Variants in ACER1 observed in about 807,000 individuals in gnomAD.
The protein encoded by ACER1 is CTB-180A7.3.
In ACER1, 28 loss-of-function variants were observed where a neutral mutation model predicts 24.9. That is an observed-to-expected ratio of 1.13 (90% CI 0.83 to 1.54). ACER1 has a LOEUF of 1.54. Ranked by LOEUF, ACER1 falls within the 40% of genes most tolerant of loss-of-function variation. The pLI, the probability that ACER1 is intolerant of heterozygous loss-of-function variation, is 0.00. For missense variants in ACER1, 352 were observed against 349.3 expected (o/e 1.01, Z -0.06); for synonymous variants, 132 against 131.4 (o/e 1.00, Z -0.03).
At chr19:6,333,643 G>C, upstream of ACER1, 1 of 1,091,292 alleles carries the variant, frequency 9.2e-7, no homozygotes, top group Non-Finnish European at 1.3e-6. Context: ...GGAGAGGACA[G>C]CCCGGTGCCC....
the ACER1 span, among the ~76,000 whole-genome samples, chr19:6,347,115 T>TAA: frequency 8.3e-6 from 1 of 121,000 alleles, no homozygotes; most frequent in Non-Finnish European, 1.6e-5. Flanking sequence ...AAAAAATATA[T>TAA]ATATATATAT....
chr19:6,333,762 A>G, upstream of ACER1: 2 of 511,652 alleles, frequency 3.9e-6, no homozygotes, highest in Non-Finnish European at 7.1e-6. Flanking sequence ...TGGGACTGGC[A>G]CTGTCCAGGC....
intron 1 of ACER1, among the ~76,000 whole-genome samples, chr19:6,325,059 T>C (rs1354331143): frequency 6.6e-6 from 1 of 152,088 alleles, no homozygotes; most frequent in Admixed American, 6.6e-5. Flanking sequence ...CCTCCCACAC[T>C]GCTGACTTCT....
chr19:6,320,285 G>A (rs1338424176), intron 1 of ACER1, among the ~76,000 whole-genome samples: 1 of 151,974 alleles, frequency 6.6e-6, no homozygotes, highest in Non-Finnish European at 1.5e-5. Flanking sequence ...TTGGAGGGAC[G>A]AAGTGTGCAC....
intron 4 of ACER1, among the ~76,000 whole-genome samples, chr19:6,307,911 A>G (rs982796961): frequency 6.6e-6 from 1 of 151,104 alleles, no homozygotes; most frequent in African/African-American, 2.4e-5. Context: ...ACATGGTGAA[A>G]CTCTGACTCT....
At chr19:6,329,875 A>ATT (rs540451359) in intron 1 of ACER1, among the ~76,000 whole-genome samples, 11 of 144,452 alleles carry the variant, frequency 7.6e-5, no homozygotes, top group Middle Eastern at 3.6e-3. Context: ...TTAATTTTTA[A>ATT]TTTTTTTTTT....
At chr19:6,346,984 G>A in the ACER1 span, among the ~76,000 whole-genome samples, 1 of 150,802 alleles carries the variant, frequency 6.6e-6, no homozygotes, top group African/African-American at 2.4e-5. Flanking sequence ...GTTGCAGACA[G>A]GGCATGGTGA....
intron 1 of ACER1, among the ~76,000 whole-genome samples, chr19:6,329,932 G>A (rs1420816788): frequency 2.0e-5 from 3 of 150,238 alleles, no homozygotes; most frequent in Non-Finnish European, 4.4e-5. Context: ...GTGCAGTGGC[G>A]TGATCTCAGC....
the ACER1 span, among the ~76,000 whole-genome samples, chr19:6,355,967 GGT>G: frequency 6.6e-6 from 1 of 151,966 alleles, no homozygotes; most frequent in Non-Finnish European, 1.5e-5. Context: ...CCGTCTGGGA[GGT>G]GTACCCAATA....
chr19:6,332,782 T>A (rs2091694785), intron 1 of ACER1, among the ~76,000 whole-genome samples: 1 of 152,100 alleles, frequency 6.6e-6, no homozygotes, highest in African/African-American at 2.4e-5. Context: ...GCGATTCTCA[T>A]GCCGTAGCCT....
chr19:6,354,617 C>G, the ACER1 span, among the ~76,000 whole-genome samples: 1 of 151,972 alleles, frequency 6.6e-6, no homozygotes, highest in African/African-American at 2.4e-5. Flanking sequence ...CCTTGTGAGC[C>G]CTAATCAAAA....
At chr19:6,309,584 T>C in intron 4 of ACER1, 113 bp downstream of exon 4, 1 of 1,380,072 alleles carries the variant, frequency 7.2e-7, no homozygotes, top group Non-Finnish European at 1.0e-6. Context: ...CTGGCCCTGC[T>C]ACTTGTTAGT....
chr19:6,307,030 G>T, intron 5 of ACER1, 123 bp downstream of exon 5: 2 of 1,506,120 alleles, frequency 1.3e-6, no homozygotes, highest in Non-Finnish European at 1.8e-6. Context: ...CTACCGCCAG[G>T]TCCCAGTGTC....
chr19:6,308,945 T>C (rs2091564294), intron 4 of ACER1, among the ~76,000 whole-genome samples: 1 of 152,076 alleles, frequency 6.6e-6, no homozygotes, highest in Admixed American at 6.6e-5. Flanking sequence ...ACGCCTGTAA[T>C]CTCAACACTT....
At chr19:6,319,963 T>A (rs1273908953) in intron 1 of ACER1, among the ~76,000 whole-genome samples, 1 of 151,602 alleles carries the variant, frequency 6.6e-6, no homozygotes, top group African/African-American at 2.4e-5. Flanking sequence ...AATACAAAAT[T>A]AGCCGGTGTG....
At chr19:6,327,985 A>T (rs546500791) in intron 1 of ACER1, among the ~76,000 whole-genome samples, 74 of 151,882 alleles carry the variant, frequency 4.9e-4, no homozygotes, top group Admixed American at 9.9e-4. Flanking sequence ...TTGAGACAGG[A>T]GAATTGCTTG....
chr19:6,339,659 G>A, the ACER1 span, among the ~76,000 whole-genome samples: 1 of 151,938 alleles, frequency 6.6e-6, no homozygotes, highest in African/African-American at 2.4e-5. Context: ...AATGATTTAG[G>A]GTTTTTGTTT....
At chr19:6,308,075 TC>T (rs1449495611) in intron 4 of ACER1, among the ~76,000 whole-genome samples, 2 of 150,262 alleles carry the variant, frequency 1.3e-5, no homozygotes, top group African/African-American at 4.9e-5. Flanking sequence ...AGAGTGAGAC[TC>T]CATCTTAAAT....
chr19:6,336,560 C>T (rs1029927483), upstream of ACER1, among the ~76,000 whole-genome samples: 1 of 152,122 alleles, frequency 6.6e-6, no homozygotes, highest in Admixed American at 6.6e-5. Context: ...GTGGCTCATG[C>T]CTGTAATCCC....
Sources: gnomAD v4.1 joint callset for allele counts (sites outside exome capture counted in the v4.1 genomes callset) on GRCh38, gnomAD v4.1.1 for gene constraint, MANE v1.5 for transcripts, NCBI Gene and HGNC (gene_info 2026-07-23, HGNC 2026-07-21) for gene names.